YLPM1: variants seen among roughly 807,000 people sequenced by gnomAD.
YLPM1 encodes YLP motif containing 1.
In YLPM1, 99 loss-of-function variants were observed where a neutral mutation model predicts 230.0. The observed-to-expected ratio is 0.43, with a 90% CI of 0.37 to 0.51. The LOEUF is 0.51. Among genes scored for constraint, YLPM1 ranks in the 20% least tolerant of loss-of-function variants. YLPM1 has a pLI of 0.00. For synonymous variants in YLPM1, 984 were observed against 942.5 expected (o/e 1.04, Z -0.81); for missense variants, 2,592 against 2,707.7 (o/e 0.96, Z 0.95).
Position 74,778,850 on chromosome 14 carries a change from A to G in YLPM1, c.1110+167A>G, listed in dbSNP as rs78797410. ...TTGTATCAGGTTTATTTGTTTGTTT[A>G]TTTATTTTGAGACAGGGTCTCTCTC... On this transcript the variant is annotated intron_variant, in intron 2 of 20. Transcript: ENST00000325680. 4.8e-3 allele frequency among the ~76,000 whole-genome samples: 719 copies of G among 151,296 alleles called. 5 individuals are homozygous for G. Among genetic ancestry groups the G allele is most frequent in the African/African-American group, 0.015 (630 of 41,202 alleles).
intron 3 of YLPM1, among the ~76,000 whole-genome samples, 200 bp downstream of exon 3, chr14:74,780,784 T>C (rs896906305): frequency 2.6e-5 from 4 of 152,204 alleles, no homozygotes; most frequent in African/African-American, 7.2e-5. Context: ...TTCCTGATCA[T>C]GTCAACCCAG....
At chr14:74,824,197 T>G in intron 17 of YLPM1, 59 bp from the exon 18 acceptor site, 2 of 1,537,274 alleles carry the variant, frequency 1.3e-6, no homozygotes, top group Non-Finnish European at 1.8e-6. Flanking sequence ...AGTTCAAACG[T>G]GATATGCATG....
chr14:74,813,961 A>G (rs1041440220), intron 11 of YLPM1, among the ~76,000 whole-genome samples: 3 of 152,202 alleles, frequency 2.0e-5, no homozygotes, highest in Non-Finnish European at 2.9e-5. Flanking sequence ...TTTCTTGCCT[A>G]ATTGCCCTGG....
Position 74,764,085 on chromosome 14 carries a change from C to A in YLPM1, c.596C>A (p.Ser199Tyr), listed in dbSNP as rs560854168. Residue 199 changes from serine to tyrosine, a missense_variant, in exon 1 of 21, where the codon TCC becomes TAC. Transcript: ENST00000325680. Reference sequence around the variant, plus strand: ...CCTTCGCAGTCCCCACCTTCCCAATCCTACCTGGCGCCCACCCCTTCTTAC... The same window carrying A: ...CCTTCGCAGTCCCCACCTTCCCAATACTACCTGGCGCCCACCCCTTCTTAC... ...PSPSQSPPSQ[S>Y]YLAPTPSYSS... 4 of 1,613,300 alleles carry A rather than the reference C, an allele frequency of 2.5e-6. No homozygotes were observed. The highest frequency in any genetic ancestry group is 3.4e-6 in the Non-Finnish European group (4 of 1,179,770).
chr14:74,807,507 C>A (rs1183607346), intron 6 of YLPM1, among the ~76,000 whole-genome samples: 2 of 152,122 alleles, frequency 1.3e-5, no homozygotes, highest in African/African-American at 4.8e-5. Context: ...CATAGCAAGA[C>A]CCCGTCTTTA....
intron 1 of YLPM1, among the ~76,000 whole-genome samples, chr14:74,774,295 C>T (rs549260053): frequency 1.3e-4 from 20 of 152,214 alleles, no homozygotes; most frequent in African/African-American, 4.8e-4. Flanking sequence ...GTGAGTGGTG[C>T]GATCTTGGCT....
chr14:74,776,604 G>T (rs2091042059), intron 1 of YLPM1, among the ~76,000 whole-genome samples: 2 of 152,100 alleles, frequency 1.3e-5, no homozygotes, highest in African/African-American at 4.8e-5. Flanking sequence ...GACTGAAAAT[G>T]ACACTTATTT....
At chr14:74,831,883 A>T (rs962019564) in intron 19 of YLPM1, among the ~76,000 whole-genome samples, 1 of 152,236 alleles carries the variant, frequency 6.6e-6, no homozygotes, top group African/African-American at 2.4e-5. Flanking sequence ...AGTTGGTTAT[A>T]TTAGAATTTT....
At chr14:74,826,852 T>C (rs1182737033) in intron 18 of YLPM1, among the ~76,000 whole-genome samples, 3 of 152,226 alleles carry the variant, frequency 2.0e-5, no homozygotes, top group Non-Finnish European at 1.5e-5. Context: ...GCATTGAAGC[T>C]ACTTAAACTC....
chr14:74,763,414 G>T lies in YLPM1; in HGVS notation c.-76G>T. On this transcript the variant is annotated 5_prime_UTR_variant, in exon 1 of 21. Coordinates refer to ENST00000325680, the MANE Select transcript of YLPM1 (RefSeq NM_019589.3). ...GGCGCCGCGAGTTCCGGCTGTCGCC[G>T]TCGCCGCCGCGGCTCCTGGAGGTCG... 1 of 1,372,552 alleles carries T rather than the reference G, an allele frequency of 7.3e-7. No individual in the cohort carries two copies. The highest frequency in any genetic ancestry group is 9.5e-7 in the Non-Finnish European group (1 of 1,055,730). The allele number at this position is 1,372,552 out of a possible 1,614,324, so 85.0% of individuals were successfully genotyped here.
intron 17 of YLPM1, among the ~76,000 whole-genome samples, chr14:74,822,545 A>G (rs2091530378): frequency 6.6e-6 from 1 of 152,152 alleles, no homozygotes; most frequent in African/African-American, 2.4e-5. Flanking sequence ...AAGCAATGGG[A>G]GAGTAATATA....
At chr14:74,773,315 C>T (rs2090998173) in intron 1 of YLPM1, among the ~76,000 whole-genome samples, 1 of 152,080 alleles carries the variant, frequency 6.6e-6, no homozygotes, top group South Asian at 2.1e-4. Context: ...AATTGACCTA[C>T]AAGGCATACT....
Position 74,798,604 on chromosome 14 carries a change from A to G in YLPM1, c.3307A>G (p.Arg1103Gly), listed in dbSNP as rs756521408. The G allele has an allele frequency of 1.2e-6, 2 of 1,612,870 alleles. No individual in the cohort carries two copies. The highest frequency in any genetic ancestry group is 2.2e-5 in the East Asian group (1 of 44,864). ...VPGGLQGSQD[R>G]GAAGSRERGP... ...AGGTGGTCTTCAAGGGAGCCAGGAC[A>G]GGGGTGCAGCTGGCAGCCGAGAAAG... The change falls in exon 5 of 21, where the codon AGG (arginine) becomes GGG (glycine). Residue 1103 changes from arginine (R) to glycine (G), a missense_variant. Around this residue, in one of 4 missense-constraint regions of YLPM1, gnomAD observed 1,862 missense variants for 1,819.8 expected, o/e 1.02. Coordinates refer to ENST00000325680, the MANE Select transcript of YLPM1 (RefSeq NM_019589.3).
At chr14:74,826,928 T>A (rs1203666256) in intron 18 of YLPM1, among the ~76,000 whole-genome samples, 1 of 152,220 alleles carries the variant, frequency 6.6e-6, no homozygotes, top group Non-Finnish European at 1.5e-5. Flanking sequence ...CCATCCTAAT[T>A]TAGGTTTCTT....
intron 4 of YLPM1, among the ~76,000 whole-genome samples, chr14:74,792,235 C>T (rs538084148): frequency 1.2e-4 from 18 of 152,296 alleles, no homozygotes; most frequent in African/African-American, 4.3e-4. Flanking sequence ...ATAGCTCTGC[C>T]AAGCCTTCAC....
intron 17 of YLPM1, among the ~76,000 whole-genome samples, chr14:74,823,823 T>G (rs139563275): frequency 2.0e-5 from 3 of 152,114 alleles, no homozygotes; most frequent in Non-Finnish European, 4.4e-5. Flanking sequence ...GAAGAACACT[T>G]TTTGCATCTT....
chr14:74,814,270 A>G (rs1225578207), intron 11 of YLPM1, among the ~76,000 whole-genome samples: 1 of 152,220 alleles, frequency 6.6e-6, no homozygotes, highest in Non-Finnish European at 1.5e-5. Context: ...CTAAGGCAGG[A>G]GAATGGCATG....
At chr14:74,803,602 G>C (rs2091349246) in intron 6 of YLPM1, among the ~76,000 whole-genome samples, 1 of 152,160 alleles carries the variant, frequency 6.6e-6, no homozygotes, top group Admixed American at 6.5e-5. Flanking sequence ...CAGGGTTTCT[G>C]TCTGTGGATG....
intron 2 of YLPM1, among the ~76,000 whole-genome samples, chr14:74,779,722 G>A (rs1372785920): frequency 1.4e-5 from 2 of 146,268 alleles, no homozygotes; most frequent in Non-Finnish European, 3.0e-5. Flanking sequence ...ACTCACTGCA[G>A]CCTCAGCCTC....
Sources: allele counts gnomAD v4.1 joint callset (sites outside exome capture counted in the v4.1 genomes callset), GRCh38; gene constraint gnomAD v4.1.1; regional missense constraint gnomAD v4.1.1; transcripts MANE v1.5; gene names NCBI Gene and HGNC (gene_info 2026-07-23, HGNC 2026-07-21).